Variants in AXDND1 observed in about 807,000 individuals in gnomAD.
AXDND1 encodes axonemal dynein light chain domain-containing protein 1.
AXDND1 carries 110 observed loss-of-function variants against 137.5 expected under a neutral mutation model. That is an observed-to-expected ratio of 0.80 (90% CI 0.69 to 0.94). The LOEUF is 0.94. Ranked by LOEUF, AXDND1 falls within the 40% of genes least tolerant of loss-of-function variation. The pLI is 0.00. For missense variants in AXDND1, 1,191 were observed against 1,169.8 expected (o/e 1.02, Z -0.26); for synonymous variants, 414 against 399.7 (o/e 1.04, Z -0.43).
chr1:179,425,202 G>C (rs886153767), intron 12 of AXDND1, among the ~76,000 whole-genome samples: 4 of 152,218 alleles, frequency 2.6e-5, no homozygotes, highest in Admixed American at 6.5e-5. Flanking sequence ...AAATCTTAAG[G>C]TTGCTGCCTC....
At chr1:179,547,261 T>C (rs1448691522) in intron 25 of AXDND1, among the ~76,000 whole-genome samples, 1 of 152,204 alleles carries the variant, frequency 6.6e-6, no homozygotes, top group Non-Finnish European at 1.5e-5. Context: ...GGCTGAGGCA[T>C]TCTGTAGCTA....
intron 16 of AXDND1, among the ~76,000 whole-genome samples, chr1:179,445,678 T>C (rs1270149860): frequency 6.6e-6 from 1 of 152,218 alleles, no homozygotes; most frequent in East Asian, 1.9e-4. Flanking sequence ...TTTTAGCAAT[T>C]ATCAGTACTT....
chr1:179,552,760 T>C, intron 25 of AXDND1: 1 of 1,069,972 alleles, frequency 9.3e-7, no homozygotes, highest in Non-Finnish European at 1.4e-6. Flanking sequence ...CTTGCAAGCC[T>C]CTCTACTGCT....
intron 16 of AXDND1, among the ~76,000 whole-genome samples, chr1:179,467,526 G>C (rs150605213): frequency 6.6e-6 from 1 of 152,186 alleles, no homozygotes; most frequent in South Asian, 2.1e-4. Flanking sequence ...ACAAGAGGAT[G>C]TGCATAGGTT....
At chr1:179,395,232 A>G (rs1158812490) in intron 11 of AXDND1, 30 bp downstream of exon 11, 8 of 1,567,810 alleles carry the variant, frequency 5.1e-6, no homozygotes, top group African/African-American at 2.7e-5. Flanking sequence ...TTTAGCTTAC[A>G]TAGGGGAAAA....
At chr1:179,480,041 G>T (rs567287812) in intron 17 of AXDND1, among the ~76,000 whole-genome samples, 19 of 152,206 alleles carry the variant, frequency 1.2e-4, no homozygotes, top group South Asian at 8.3e-4. Flanking sequence ...GTTCTAAATT[G>T]TTCCACATTT....
chr1:179,520,577 A>G (rs1024101251), intron 21 of AXDND1, among the ~76,000 whole-genome samples: 4 of 151,794 alleles, frequency 2.6e-5, no homozygotes, highest in Admixed American at 6.6e-5. Flanking sequence ...GCACCTGGCT[A>G]TTTTTCTATA....
chr1:179,553,281 C>T (rs746000137), intron 25 of AXDND1, among the ~76,000 whole-genome samples: 10 of 152,156 alleles, frequency 6.6e-5, no homozygotes, highest in Middle Eastern at 3.2e-3. Context: ...TAATTGAAAA[C>T]GTGTTCACTC....
intron 12 of AXDND1, among the ~76,000 whole-genome samples, chr1:179,423,986 CT>C (rs1656173449): frequency 6.6e-6 from 1 of 150,952 alleles, no homozygotes; most frequent in Admixed American, 6.6e-5. Context: ...GTGTTTTTTT[CT>C]TTTAGATTGA....
At chr1:179,545,704 A>G (rs1672579595) in intron 25 of AXDND1, 1 of 152,158 alleles carries the variant, frequency 6.6e-6, no homozygotes, top group Non-Finnish European at 1.5e-5. Flanking sequence ...TCATTTCCAT[A>G]CAAATCAGTA....
chr1:179,420,693 G>A (rs1655547139), intron 12 of AXDND1, among the ~76,000 whole-genome samples: 1 of 151,018 alleles, frequency 6.6e-6, no homozygotes, highest in African/African-American at 2.4e-5. Flanking sequence ...CACAGTCTTG[G>A]CTCACTGCAA....
intron 16 of AXDND1, among the ~76,000 whole-genome samples, chr1:179,462,920 A>G (rs1050518552): frequency 6.6e-6 from 1 of 152,068 alleles, no homozygotes; most frequent in Non-Finnish European, 1.5e-5. Context: ...AGAGGTGTTT[A>G]TAGTATTCTC....
intron 16 of AXDND1, among the ~76,000 whole-genome samples, chr1:179,462,163 T>C (rs1662425385): frequency 6.6e-6 from 1 of 152,236 alleles, no homozygotes; most frequent in East Asian, 1.9e-4. Context: ...GCCCATTCAG[T>C]ATGTTATTGG....
chr1:179,510,907 T>A (rs1341353670), intron 21 of AXDND1, among the ~76,000 whole-genome samples: 2 of 139,918 alleles, frequency 1.4e-5, no homozygotes, highest in African/African-American at 5.2e-5. Flanking sequence ...CTCCCACCCT[T>A]CCCCCCAAAT....
intron 22 of AXDND1, among the ~76,000 whole-genome samples, chr1:179,527,752 G>A (rs1464300687): frequency 6.6e-6 from 1 of 152,136 alleles, no homozygotes; most frequent in African/African-American, 2.4e-5. Context: ...GACTCACCCT[G>A]AATTTTATCC....
At chr1:179,463,949 G>GTT (rs200165794) in intron 16 of AXDND1, among the ~76,000 whole-genome samples, 3 of 151,346 alleles carry the variant, frequency 2.0e-5, no homozygotes, top group East Asian at 1.9e-4. Context: ...AACCTCTGCT[G>GTT]TTTTTTTTCC....
intron 12 of AXDND1, among the ~76,000 whole-genome samples, chr1:179,416,794 G>C (rs1040075497): frequency 6.6e-6 from 1 of 152,114 alleles, no homozygotes; most frequent in Non-Finnish European, 1.5e-5. Context: ...TGAGCCTGGG[G>C]AGTAACAGTG....
intron 15 of AXDND1, among the ~76,000 whole-genome samples, chr1:179,442,923 C>T (rs1659203803): frequency 6.6e-6 from 1 of 152,136 alleles, no homozygotes; most frequent in South Asian, 2.1e-4. Context: ...GGCACCTTGC[C>T]TCTGGTGCAC....
intron 15 of AXDND1, among the ~76,000 whole-genome samples, chr1:179,435,355 A>G (rs1657991710): frequency 6.6e-6 from 1 of 152,220 alleles, no homozygotes; most frequent in Non-Finnish European, 1.5e-5. Flanking sequence ...TAAATTTCAT[A>G]TGGAACCAAA....
Sources: allele counts gnomAD v4.1 joint callset (sites outside exome capture counted in the v4.1 genomes callset), GRCh38; gene constraint gnomAD v4.1.1; transcripts MANE v1.5; gene names NCBI Gene and HGNC (gene_info 2026-07-23, HGNC 2026-07-21).